The following MTAP variants were observed in gnomAD, a reference collection of about 807,000 sequenced individuals.
MTAP encodes the protein S-methyl-5'-thioadenosine phosphorylase.
A neutral mutation model predicts 33.6 loss-of-function variants in MTAP; 33 were observed. The observed-to-expected ratio is 0.98, with a 90% CI of 0.74 to 1.31. The LOEUF is 1.31. MTAP is among the 40% of genes most tolerant of loss of function. The pLI is 0.00. For missense variants in MTAP, 367 were observed against 360.0 expected, an observed-to-expected ratio of 1.02 and a Z score of -0.16; for synonymous variants, 148 against 125.7, an observed-to-expected ratio of 1.18 and a Z score of -1.19.
At chr9:21,832,451 C>T (rs1429138573) in intron 4 of MTAP, among the ~76,000 whole-genome samples, 1 of 152,160 alleles carries the variant, frequency 6.6e-6, no homozygotes, top group Non-Finnish European at 1.5e-5. Flanking sequence ...CTGTTTTTAA[C>T]CCTTACTGTT....
At chr9:21,930,040 A>G (rs1563874593) in intron 1 of MTAP, 1 of 412,792 alleles carries the variant, frequency 2.4e-6, no homozygotes, top group Non-Finnish European at 4.8e-6. Flanking sequence ...TTTGCCAGCA[A>G]TGCCCAAGCT....
At chr9:21,913,475 A>C (rs1454328715) in intron 1 of MTAP, among the ~76,000 whole-genome samples, 4 of 152,008 alleles carry the variant, frequency 2.6e-5, no homozygotes, top group South Asian at 2.1e-4. Context: ...AATAATAACA[A>C]ACATCTACAA....
Position 21,922,185 on chromosome 9 carries a change from A to C in MTAP, c.148-8823A>C, listed in dbSNP as rs73440484. On this transcript the variant is annotated intron_variant, in intron 1 of 1. Transcript: ENST00000577563. The surrounding 1 kb of genome is among the most constrained non-coding windows in gnomAD (Gnocchi z 4.8). ...TGACCAGTTCCTCTAGGAACACTTG[A>C]CTGGCAAGGGAAAAACGCCTCAAGT... 0.055 allele frequency among the ~76,000 whole-genome samples: 8,353 copies of C among 151,872 alleles called. 714 individuals carry two copies. Among genetic ancestry groups the C allele is most frequent in the African/African-American group, 0.18 (7,434 of 41,348 alleles).
In MTAP at chr9:21,913,137, A is replaced by G. The variant is rs1463717203; in HGVS notation, c.148-17871A>G. On this transcript the variant is annotated intron_variant, in intron 1 of 1. Coordinates refer to the MTAP transcript ENST00000577563. ...GCTCAACGAAATAAAAGAGGACACAAACAAATAGAAGAACATTCCATGCTC... is the reference window on the plus strand; with the variant it reads ...GCTCAACGAAATAAAAGAGGACACAGACAAATAGAAGAACATTCCATGCTC... 5.9e-5 allele frequency among the ~76,000 whole-genome samples: 9 copies of G among 152,342 alleles called. No individual in the cohort carries two copies. The East Asian group carries it at 1.7e-3, about 29-fold the overall frequency.
chr9:21,842,253 A>G (rs762812211), intron 5 of MTAP, among the ~76,000 whole-genome samples: 6 of 152,162 alleles, frequency 3.9e-5, no homozygotes, highest in Non-Finnish European at 5.9e-5. Context: ...TGAAATTTTA[A>G]AAGAAATTTG....
At chr9:21,834,552 C>T (rs562027784) in intron 4 of MTAP, among the ~76,000 whole-genome samples, 3 of 152,212 alleles carry the variant, frequency 2.0e-5, no homozygotes, top group Non-Finnish European at 4.4e-5. Flanking sequence ...ATCCCTTTCC[C>T]TGCCTTTGCC....
At chr9:21,883,402 C>T (rs1411140623) in intron 1 of MTAP, among the ~76,000 whole-genome samples, 1 of 151,974 alleles carries the variant, frequency 6.6e-6, no homozygotes, top group Non-Finnish European at 1.5e-5. Flanking sequence ...AGATGTGGAG[C>T]ATCAAGAGTT....
chr9:21,815,098 A>G (rs1824443314), intron 1 of MTAP, among the ~76,000 whole-genome samples: 2 of 152,182 alleles, frequency 1.3e-5, no homozygotes, highest in Non-Finnish European at 2.9e-5. Flanking sequence ...ATACTTGCCT[A>G]CTTTTAGGTT....
At chr9:21,880,158 A>C (rs1817983187) in intron 1 of MTAP, among the ~76,000 whole-genome samples, 1 of 152,154 alleles carries the variant, frequency 6.6e-6, no homozygotes, top group Non-Finnish European at 1.5e-5. Flanking sequence ...GAAGTCATCA[A>C]GGTGGATCCC....
Position 21,817,273 on chromosome 9 carries a change from T to C in MTAP, c.179+501T>C, listed in dbSNP as rs1183841577. Among the ~76,000 whole-genome samples, 4 of 152,280 alleles carry C rather than the reference T, an allele frequency of 2.6e-5. No individual in the cohort carries two copies. In the South Asian group the frequency reaches 8.3e-4, roughly 32 times the overall value. On this transcript the variant is annotated intron_variant, in intron 3 of 7. Transcript: ENST00000644715. ...TTAGAAGTTAGTCAAGATATATGTA[T>C]GAGTTCTCTACTGTTGTGTAACAAA...
At chr9:21,938,435 GA>G (rs901863715), downstream of MTAP, among the ~76,000 whole-genome samples, 115 of 144,194 alleles carry the variant, frequency 8.0e-4, no homozygotes, top group South Asian at 1.3e-3. Flanking sequence ...TGAGACCTTG[GA>G]AAAAAAAAGA....
chr9:21,928,074 G>A (rs192052258), intron 1 of MTAP, among the ~76,000 whole-genome samples: 4 of 152,290 alleles, frequency 2.6e-5, no homozygotes, highest in African/African-American at 9.6e-5. Flanking sequence ...TCTCTCCCCA[G>A]TGAACTGCCC....
At chr9:21,896,414 C>A (rs1419939560) in intron 1 of MTAP, among the ~76,000 whole-genome samples, 10 of 151,842 alleles carry the variant, frequency 6.6e-5, no homozygotes, top group Non-Finnish European at 1.5e-4. Context: ...ATAAAGACAC[C>A]AAAAAACCCT....
In MTAP at chr9:21,859,419, C is replaced by T. The variant is rs1337571210; in HGVS notation, c.807C>T (p.Asn269=). 1 of 1,610,258 alleles carries T rather than the reference C, an allele frequency of 6.2e-7. No individual in the cohort carries two copies. The highest frequency in any genetic ancestry group is 8.5e-7 in the Non-Finnish European group (1 of 1,178,802). ...GSTEWSETLH[N]LKNMAQFSVL... is the part of the protein sequence containing the mutation. ...CAGAATGGTCAGAAACCCTCCATAA[C>T]CTGAAGGTAAGTGTCAGCCATGGAC... is the stretch of plus-strand genomic sequence containing the variant. Residue 269 remains asparagine, a synonymous_variant, in exon 7 of 8, where the codon AAC becomes AAT. Transcript: ENST00000644715.
chr9:21,885,985 G>C (rs1818103579), intron 1 of MTAP, among the ~76,000 whole-genome samples: 1 of 152,022 alleles, frequency 6.6e-6, no homozygotes. Flanking sequence ...CCAGTCATGG[G>C]ATTGCTGGAT....
At chr9:21,817,897 C>A in intron 3 of MTAP, 138 bp from the exon 4 acceptor site, 1 of 762,956 alleles carries the variant, frequency 1.3e-6, no homozygotes, top group East Asian at 3.1e-5. Flanking sequence ...TAGTTGCTCA[C>A]TGGACTGGGT....
chr9:21,931,229 C>T (rs1218452555), downstream of MTAP: 2 of 672,268 alleles, frequency 3.0e-6, no homozygotes, highest in South Asian at 1.6e-5. Context: ...GAACAATCAC[C>T]ATCACACCTC....
At chr9:21,905,077 T>G (rs1445094638) in intron 1 of MTAP, among the ~76,000 whole-genome samples, 2 of 152,196 alleles carry the variant, frequency 1.3e-5, no homozygotes, top group Non-Finnish European at 2.9e-5. Flanking sequence ...CTTTTAGTTT[T>G]GCCATCTGCA....
downstream of MTAP, chr9:21,940,904 T>A: frequency 3.3e-6 from 2 of 603,816 alleles, no homozygotes; most frequent in Non-Finnish European, 4.2e-6. Flanking sequence ...TTACTGCCTT[T>A]CTTCCCCCAA....
Sources: gnomAD v4.1 joint callset for allele counts (sites outside exome capture counted in the v4.1 genomes callset) on GRCh38, gnomAD v4.1.1 for gene constraint, Gnocchi (gnomAD v3.1) non-coding constraint, MANE v1.5 for transcripts, NCBI Gene and HGNC (gene_info 2026-07-23, HGNC 2026-07-21) for gene names.